Variants in ERO1A observed in about 807,000 individuals in gnomAD.
The protein encoded by ERO1A is endoplasmic reticulum oxidoreductase 1 alpha.
ERO1A carries 49 observed loss-of-function variants against 76.9 expected under a neutral mutation model. The ratio of observed to expected loss-of-function variants is 0.64; its 90% confidence interval spans 0.51 to 0.81. The LOEUF is 0.81. ERO1A is among the 30% of genes least tolerant of loss of function. The probability of loss-of-function intolerance (pLI) is 0.00; values close to 1 mark genes in which losing one functional copy is unlikely to be tolerated. For synonymous variants in ERO1A, 174 were observed against 181.2 expected, an observed-to-expected ratio of 0.96 and a Z score of 0.32; for missense variants, 448 against 542.1, an observed-to-expected ratio of 0.83 and a Z score of 1.72.
intron 4 of ERO1A, among the ~76,000 whole-genome samples, chr14:52,674,510 A>G (rs2040717354): frequency 1.3e-5 from 2 of 152,230 alleles, no homozygotes; most frequent in African/African-American, 2.4e-5. Context: ...GCCTCAAGCA[A>G]TTTGTTAAAT....
rs527964538 is a variant in ERO1A, at chr14:52,674,213, G to A, written c.358-2342C>T. ...GTCTATCGATTAAATGAAATAAATCGAACAATTTTTTTTTCTCTGTCTCCC... is the reference window on the plus strand; with the variant it reads ...GTCTATCGATTAAATGAAATAAATCAAACAATTTTTTTTTCTCTGTCTCCC... On this transcript the variant is annotated intron_variant, in intron 4 of 15. Coordinates refer to ENST00000395686, the MANE Select transcript of ERO1A (RefSeq NM_014584.3). Among the ~76,000 whole-genome samples the A allele has an allele frequency of 6.6e-5, 10 of 152,098 alleles. No homozygotes were observed. In the South Asian group the frequency reaches 1.5e-3, roughly 22 times the overall value.
chr14:52,689,384 A>C (rs2041282256), intron 1 of ERO1A, among the ~76,000 whole-genome samples: 1 of 152,232 alleles, frequency 6.6e-6, no homozygotes, highest in East Asian at 1.9e-4. Flanking sequence ...ATGATCTTAT[A>C]TATAGAAAAT....
chr14:52,649,713 C>T (rs188620334), intron 13 of ERO1A, among the ~76,000 whole-genome samples: 1 of 152,062 alleles, frequency 6.6e-6, no homozygotes, highest in East Asian at 1.9e-4. Flanking sequence ...AGCATCTTCC[C>T]CCTCACTTTC....
At position 52,639,941 on chromosome 14, in the gene ERO1A, C is replaced by T. The variant is rs1474995062; in HGVS notation, c.*3629G>A. ...TGAATACAATTTCAGCTTTATTGACCCCCTAAAGTCTACAAATCCTTGGGA... is the reference window on the plus strand; with the variant it reads ...TGAATACAATTTCAGCTTTATTGACTCCCTAAAGTCTACAAATCCTTGGGA... On this transcript the variant is annotated 3_prime_UTR_variant, in exon 16 of 16. Transcript: ENST00000395686. The T allele has an allele frequency of 6.6e-6, 1 of 152,132 alleles. No homozygotes were observed. The highest frequency in any genetic ancestry group is 1.5e-5 in the Non-Finnish European group (1 of 68,016). The allele number at this position is 152,132 out of a possible 1,614,324, so 9.4% of individuals were successfully genotyped here.
chr14:52,671,647 T>C lies in ERO1A; in HGVS notation c.491A>G (p.Asn164Ser). 1 of 1,606,430 alleles carries C rather than the reference T, an allele frequency of 6.2e-7. No homozygotes were observed. Among genetic ancestry groups the C allele is most frequent in the Non-Finnish European group, 8.5e-7 (1 of 1,175,352 alleles). The change falls in exon 6 of 16, where the codon AAC becomes AGC. Residue 164 changes from asparagine (N) to serine (S), a missense_variant. Physicochemically the swap from Asn to Ser is conservative, Grantham distance 46 (BLOSUM62 1). Around this residue, in one of 2 missense-constraint regions of ERO1A, gnomAD observed 302 missense variants for 411.9 expected, o/e 0.73. Coordinates refer to ENST00000395686, the MANE Select transcript of ERO1A (RefSeq NM_014584.3). ...QWTKHDDSSD[N>S]FCEADDIQSP... ...TATTATACCATCAGCTTCACAGAAG[T>C]TATCTGAAGAATCATCATGCTTGGT...
intron 11 of ERO1A, among the ~76,000 whole-genome samples, chr14:52,654,807 C>CA (rs1327441741): frequency 2.0e-5 from 3 of 152,182 alleles, no homozygotes; most frequent in African/African-American, 7.2e-5. Context: ...GTGTATTCAT[C>CA]ACAGCCCTTC....
intron 11 of ERO1A, among the ~76,000 whole-genome samples, chr14:52,656,089 T>G (rs1192861103): frequency 6.6e-6 from 1 of 152,186 alleles, no homozygotes; most frequent in African/African-American, 2.4e-5. Flanking sequence ...TCTCTTGAAC[T>G]TCTATTAACT....
Position 52,674,823 on chromosome 14 carries a change from G to A in ERO1A, c.358-2952C>T, listed in dbSNP as rs2040726344. ...CTAGGTTACACAGGTATATGCATTT[G>A]TCAACATTCAGCAAATGCACACTTA... On this transcript the variant is annotated intron_variant, in intron 4 of 15. Transcript: ENST00000395686. 2.0e-5 allele frequency among the ~76,000 whole-genome samples: 3 copies of A among 152,164 alleles called. No individual in the cohort carries two copies. The South Asian group carries it at 6.2e-4, about 31-fold the overall frequency.
chr14:52,689,698 A>C (rs7158431), intron 1 of ERO1A, among the ~76,000 whole-genome samples: 1 of 151,938 alleles, frequency 6.6e-6, no homozygotes, highest in African/African-American at 2.4e-5. Flanking sequence ...ATTGTTAAAA[A>C]GCCCATACCA....
At chr14:52,673,610 A>T (rs1011649181) in intron 4 of ERO1A, among the ~76,000 whole-genome samples, 1 of 152,254 alleles carries the variant, frequency 6.6e-6, no homozygotes, top group Non-Finnish European at 1.5e-5. Context: ...AATCTGATTG[A>T]TAATAGACAG....
intron 1 of ERO1A, among the ~76,000 whole-genome samples, chr14:52,693,799 A>G (rs1195171929): frequency 6.6e-6 from 1 of 152,060 alleles, no homozygotes; most frequent in African/African-American, 2.4e-5. Flanking sequence ...CACCCAGCCC[A>G]ATTTACTATT....
intron 1 of ERO1A, among the ~76,000 whole-genome samples, chr14:52,693,595 T>C (rs2041431862): frequency 1.3e-5 from 2 of 152,136 alleles, no homozygotes; most frequent in African/African-American, 4.8e-5. Context: ...GCTCACTCCA[T>C]CCTGCCACCT....
At chr14:52,649,681 G>A (rs2039786177) in intron 13 of ERO1A, among the ~76,000 whole-genome samples, 1 of 151,874 alleles carries the variant, frequency 6.6e-6, no homozygotes, top group Admixed American at 6.6e-5. Context: ...GAAAATAGTA[G>A]GAAAAAAAGA....
At chr14:52,666,168 T>C (rs373294756) in intron 7 of ERO1A, among the ~76,000 whole-genome samples, 25 of 152,268 alleles carry the variant, frequency 1.6e-4, no homozygotes, top group African/African-American at 6.0e-4. Flanking sequence ...AATACTCCCA[T>C]AAAGGTCTAA....
intron 1 of ERO1A, among the ~76,000 whole-genome samples, chr14:52,691,097 G>C (rs902647713): frequency 6.6e-6 from 1 of 152,204 alleles, no homozygotes; most frequent in African/African-American, 2.4e-5. Flanking sequence ...GTCAATAAAG[G>C]TGGAGAGAAA....
In ERO1A at chr14:52,671,666, G is replaced by A; in HGVS notation, c.472C>T (p.His158Tyr). The change falls in exon 6 of 16, where the codon CAT becomes TAT. Residue 158 changes from histidine (H) to tyrosine (Y), a missense_variant. Coordinates refer to ENST00000395686, the MANE Select transcript of ERO1A (RefSeq NM_014584.3). ...CAGAAGTTATCTGAAGAATCATCAT[G>A]CTTGGTCCACTGAAGAACAGCCTTC... ...TQKAVLQWTK[H>Y]DDSSDNFCEA... The A allele has an allele frequency of 6.2e-7, 1 of 1,608,106 alleles. No individual in the cohort carries two copies. The highest frequency in any genetic ancestry group is 2.2e-5 in the East Asian group (1 of 44,688).
At chr14:52,664,777 C>A (rs774537848) in intron 7 of ERO1A, among the ~76,000 whole-genome samples, 65 of 152,102 alleles carry the variant, frequency 4.3e-4, no homozygotes, top group Non-Finnish European at 8.2e-4. Context: ...CTGCAAGCTC[C>A]GCCTCCCGGG....
At chr14:52,666,553 C>G in intron 6 of ERO1A, 58 bp from the exon 7 acceptor site, 1 of 1,418,694 alleles carries the variant, frequency 7.0e-7, no homozygotes, top group East Asian at 2.4e-5. Flanking sequence ...TAAAAAGCTA[C>G]TACACAAGAC....
At chr14:52,671,745 A>C (rs1476708341) in intron 5 of ERO1A, 42 bp from the exon 6 acceptor site, 1 of 1,575,222 alleles carries the variant, frequency 6.3e-7, no homozygotes, top group Admixed American at 1.8e-5. Flanking sequence ...TTTTTAAGTT[A>C]ATATGTAACA....
Sources: gnomAD v4.1 joint callset for allele counts (sites outside exome capture counted in the v4.1 genomes callset) on GRCh38, gnomAD v4.1.1 for gene constraint, gnomAD v4.1.1 regional missense constraint, MANE v1.5 for transcripts, NCBI Gene and HGNC (gene_info 2026-07-23, HGNC 2026-07-21) for gene names.